The following SYNE1 variants were observed in gnomAD, a reference collection of about 807,000 sequenced individuals.
SYNE1 encodes nesprin-1.
Under a neutral mutation model 1,111.0 loss-of-function variants are expected in SYNE1, and 616 were observed. The ratio of observed to expected loss-of-function variants is 0.55; its 90% CI spans 0.52 to 0.59. The LOEUF is 0.59. Ranked by LOEUF, SYNE1 falls within the 20% of genes least tolerant of loss-of-function variation. The pLI is 0.00. For synonymous variants in SYNE1, 3,855 were observed against 3,825.8 expected (o/e 1.01, Z -0.28); for missense variants, 10,006 against 10,417.0 (o/e 0.96, Z 1.72).
At chr6:152,526,256 T>G in intron 4 of SYNE1, 81 bp from the exon 5 acceptor site, 1 of 1,419,966 alleles carries the variant, frequency 7.0e-7, no homozygotes, top group Non-Finnish European at 9.9e-7. Context: ...CCTTTGTTAC[T>G]TATGGTGGTG....
In SYNE1 at chr6:152,347,806, G is replaced by T. The variant is rs190572340; in HGVS notation, c.11902-571C>A. Among the ~76,000 whole-genome samples the T allele has an allele frequency of 1.7e-3, 248 of 149,836 alleles. 1 individual carries two copies. Among genetic ancestry groups the T allele is most frequent in the African/African-American group, 5.9e-3 (243 of 40,894 alleles). ...AGCAATTCTCCTGCCTCAGCCTCCTGAGTAGGTGGGATCACAGGTGCCCAC... is the reference window on the plus strand; with the variant it reads ...AGCAATTCTCCTGCCTCAGCCTCCTTAGTAGGTGGGATCACAGGTGCCCAC... On this transcript the variant is annotated intron_variant, in intron 72 of 145. Transcript: ENST00000367255.
rs1055744524 is a variant in SYNE1 at position 152,379,176 on chromosome 6, T to C, written c.9009+1830A>G. ...AAGTTTTTGACCAAAACGTTACATT[T>C]AAAACATTTCTATAACTTCATCCTA... On this transcript the variant is annotated intron_variant, in intron 56 of 145. Transcript: ENST00000367255. Among the ~76,000 whole-genome samples, 3 of 152,200 alleles carry C rather than the reference T, an allele frequency of 2.0e-5. No individual in the cohort carries two copies. The East Asian group carries it at 5.8e-4, about 29-fold the overall frequency.
intron 3 of SYNE1, among the ~76,000 whole-genome samples, chr6:152,605,028 GAGA>G (rs2099609891): frequency 1.5e-5 from 1 of 67,898 alleles, no homozygotes; most frequent in African/African-American, 7.0e-5. Flanking sequence ...GAGAGAGAGA[GAGA>G]GAGAGGGAGG....
intron 3 of SYNE1, among the ~76,000 whole-genome samples, chr6:152,578,226 G>A (rs2099507764): frequency 6.6e-6 from 1 of 152,032 alleles, no homozygotes; most frequent in South Asian, 2.1e-4. Context: ...GAAATACACA[G>A]GAAGATCCCA....
rs2051577228 is a variant in SYNE1 at position 152,122,327 on chromosome 6, C to T, written c.*109G>A. ...ATCTGGAGGAGGGCTAAAGCTGCCACACCGAGGGCTTTCGCCAAGATCAAG... is the reference window on the plus strand; with the variant it reads ...ATCTGGAGGAGGGCTAAAGCTGCCATACCGAGGGCTTTCGCCAAGATCAAG... On this transcript the variant is annotated 3_prime_UTR_variant, in exon 146 of 146. Transcript: ENST00000367255. The T allele has an allele frequency of 6.3e-7, 1 of 1,584,264 alleles. No homozygotes were observed. Among genetic ancestry groups the T allele is most frequent in the East Asian group, 2.2e-5 (1 of 44,680 alleles).
chr6:152,442,384 G>A, intron 30 of SYNE1, 139 bp from the exon 31 acceptor site: 1 of 930,616 alleles, frequency 1.1e-6, no homozygotes, highest in Non-Finnish European at 1.7e-6. Context: ...CAGTTGAAAT[G>A]GTAGTCGGTT....
chr6:152,462,451 G>A (rs891188698), intron 20 of SYNE1: 5 of 522,508 alleles, frequency 9.6e-6, no homozygotes, highest in African/African-American at 5.8e-5. Flanking sequence ...TTAGGTGCGG[G>A]TGCTATCTAT....
chr6:152,440,945 A>T (rs953386301), intron 32 of SYNE1, among the ~76,000 whole-genome samples, 185 bp downstream of exon 32: 2 of 152,196 alleles, frequency 1.3e-5, no homozygotes, highest in East Asian at 3.8e-4. Flanking sequence ...TCTTTGTTTT[A>T]CTTCTTGATG....
chr6:152,628,411 T>C lies in SYNE1; in HGVS notation c.-80A>G. ...CAGGGCTACACCACTCTAGAAAACA[T>C]GCTTGGACTTTTCTAGATCTATTCT... On this transcript the variant is annotated 5_prime_UTR_variant, in exon 3 of 146. It removes an upstream start codon present in the reference 5' UTR. Transcript: ENST00000367255. 2.2e-6 allele frequency: 3 copies of C among 1,383,152 alleles called. No individual in the cohort carries two copies. Among genetic ancestry groups the C allele is most frequent in the Non-Finnish European group, 3.1e-6 (3 of 970,166 alleles). 85.7% of individuals were successfully genotyped at this position (1,383,152 alleles called of 1,614,324 possible). A position where few individuals can be genotyped will look rare whatever the true frequency, so the allele number is the denominator to read the frequency against.
intron 3 of SYNE1, among the ~76,000 whole-genome samples, chr6:152,625,116 C>A (rs769568339): frequency 6.6e-6 from 1 of 152,166 alleles, no homozygotes; most frequent in East Asian, 1.9e-4. Context: ...GTTCTGTTTA[C>A]GTTAATGGAA....
intron 21 of SYNE1, 41 bp from the exon 22 acceptor site, chr6:152,458,971 A>C (rs1363533380): frequency 6.3e-7 from 1 of 1,580,104 alleles, no homozygotes; most frequent in Non-Finnish European, 8.7e-7. Context: ...AAAGACCATT[A>C]AGTGCCACTA....
intron 93 of SYNE1, among the ~76,000 whole-genome samples, chr6:152,299,237 A>G (rs966438720): frequency 1.3e-5 from 2 of 152,204 alleles, no homozygotes; most frequent in South Asian, 4.1e-4. Flanking sequence ...GAGAACCTAA[A>G]CCATATTAAA....
At chr6:152,426,508 A>C (rs2098358066) in intron 38 of SYNE1, among the ~76,000 whole-genome samples, 1 of 152,256 alleles carries the variant, frequency 6.6e-6, no homozygotes, top group South Asian at 2.1e-4. Context: ...GGAGTAACAG[A>C]GTCTGCAGTC....
At chr6:152,621,444 T>G (rs1172616391) in intron 3 of SYNE1, among the ~76,000 whole-genome samples, 16 of 152,186 alleles carry the variant, frequency 1.1e-4, no homozygotes, top group Admixed American at 8.5e-4. Flanking sequence ...TTTAGAGGCC[T>G]GCCACACACT....
chr6:152,479,659 G>A (rs1489037114), intron 14 of SYNE1, among the ~76,000 whole-genome samples: 1 of 152,132 alleles, frequency 6.6e-6, no homozygotes, highest in Non-Finnish European at 1.5e-5. Flanking sequence ...ACTTAGGACT[G>A]AAACATGGTT....
At chr6:152,208,369 T>C (rs1476022517) in intron 124 of SYNE1, among the ~76,000 whole-genome samples, 163 bp from the exon 125 acceptor site, 1 of 152,178 alleles carries the variant, frequency 6.6e-6, no homozygotes, top group Non-Finnish European at 1.5e-5. Flanking sequence ...TTTGGGTCTA[T>C]TGCAATTAAT....
chr6:152,143,464 C>G (rs1352011199), intron 138 of SYNE1, among the ~76,000 whole-genome samples, 159 bp downstream of exon 138: 1 of 152,154 alleles, frequency 6.6e-6, no homozygotes, highest in Non-Finnish European at 1.5e-5. Context: ...CAAATGGTAA[C>G]TTAATAACAG....
chr6:152,611,824 G>C (rs187941307), intron 3 of SYNE1, among the ~76,000 whole-genome samples: 348 of 152,168 alleles, frequency 2.3e-3, no homozygotes, highest in African/African-American at 8.1e-3. Flanking sequence ...AATCAAATTA[G>C]AACTCAGGAT....
chr6:152,362,445 T>C (rs1032352268), intron 63 of SYNE1, 122 bp from the exon 64 acceptor site: 2 of 1,377,236 alleles, frequency 1.5e-6, no homozygotes, highest in East Asian at 2.4e-5. Flanking sequence ...AGAAGCTTGC[T>C]TGGGAGTGAG....
Sources: allele counts gnomAD v4.1 joint callset (sites outside exome capture counted in the v4.1 genomes callset), GRCh38; gene constraint gnomAD v4.1.1; transcripts MANE v1.5; gene names NCBI Gene and HGNC (gene_info 2026-07-23, HGNC 2026-07-21).